MCC: variants seen among roughly 807,000 people sequenced by gnomAD.
MCC encodes MCC regulator of Wnt signaling pathway.
MCC carries 90 observed loss-of-function variants against 116.2 expected under a neutral mutation model. The ratio of observed to expected loss-of-function variants is 0.77; its 90% CI spans 0.65 to 0.92. The LOEUF is 0.92. Among genes scored for constraint, MCC ranks in the 40% least tolerant of loss-of-function variants. The pLI is 0.00. For synonymous variants in MCC, 578 were observed against 510.5 expected (o/e 1.13, Z -1.78); for missense variants, 1,516 against 1,312.2 (o/e 1.16, Z -2.40).
chr5:113,054,033 A>G, intron 14 of MCC, 74 bp from the exon 15 acceptor site: 1 of 1,039,306 alleles, frequency 9.6e-7, no homozygotes, highest in African/African-American at 1.6e-5. Context: ...TTTCCTCCTC[A>G]CTCTTCTCCA....
In MCC at chr5:113,104,197, T is replaced by A; in HGVS notation, c.1186A>T (p.Ile396Phe). 6.2e-7 allele frequency: 1 copy of A among 1,610,398 alleles called. No homozygotes were observed. The highest frequency in any genetic ancestry group is 1.1e-5 in the South Asian group (1 of 90,602). ...TTASEHCDLAIKTVEEIEGVL... is the reference protein window; with the variant it reads ...TTASEHCDLAFKTVEEIEGVL... ...AGAGGGTGAGGAAGGTCTACCTTAA[T>A]AGCCAGGTCACAGTGCTCGCTGGCT... Residue 396 changes from isoleucine to phenylalanine, a missense_variant, in exon 7 of 19, where the codon ATT becomes TTT. Ile to Phe is a conservative substitution (Grantham distance 21). Coordinates refer to ENST00000408903, the MANE Select transcript of MCC (RefSeq NM_001085377.2).
At chr5:113,364,804 G>A (rs760419731) in intron 2 of MCC, among the ~76,000 whole-genome samples, 4 of 152,220 alleles carry the variant, frequency 2.6e-5, no homozygotes, top group Non-Finnish European at 5.9e-5. Context: ...CAAGGCATAT[G>A]GCTTGCACCT....
intron 11 of MCC, among the ~76,000 whole-genome samples, chr5:113,073,781 C>A (rs771084800): frequency 1.3e-5 from 2 of 152,134 alleles, no homozygotes; most frequent in Non-Finnish European, 2.9e-5. Context: ...TCGCTCACTG[C>A]TAGCACAGCA....
At chr5:113,441,678 G>A (rs1771047126) in intron 1 of MCC, among the ~76,000 whole-genome samples, 1 of 152,136 alleles carries the variant, frequency 6.6e-6, no homozygotes, top group African/African-American at 2.4e-5. Context: ...ACAGGCCCCA[G>A]TGTATGATGT....
intron 5 of MCC, among the ~76,000 whole-genome samples, chr5:113,126,882 A>G (rs894087972): frequency 1.3e-5 from 2 of 149,902 alleles, no homozygotes; most frequent in Non-Finnish European, 3.0e-5. Context: ...GGTTTTTTAA[A>G]CTCTTATTTT....
chr5:113,229,419 G>A (rs1054303284), intron 3 of MCC, among the ~76,000 whole-genome samples: 1 of 152,206 alleles, frequency 6.6e-6, no homozygotes, highest in African/African-American at 2.4e-5. Flanking sequence ...CAAACACCTA[G>A]TACTGTGAAA....
chr5:113,268,884 G>A (rs1765511432), intron 3 of MCC, among the ~76,000 whole-genome samples: 1 of 152,062 alleles, frequency 6.6e-6, no homozygotes, highest in African/African-American at 2.4e-5. Flanking sequence ...TTTACTCAAT[G>A]GTATCCTGAC....
chr5:113,275,684 G>A (rs1765793881), intron 3 of MCC, among the ~76,000 whole-genome samples: 1 of 152,098 alleles, frequency 6.6e-6, no homozygotes, highest in Non-Finnish European at 1.5e-5. Flanking sequence ...AAACAAGACA[G>A]TATAACAACT....
At chr5:113,157,810 T>C (rs991560711) in intron 3 of MCC, among the ~76,000 whole-genome samples, 1 of 152,258 alleles carries the variant, frequency 6.6e-6, no homozygotes, top group Non-Finnish European at 1.5e-5. Context: ...TTTTTTCCTA[T>C]ACATACAAAG....
At chr5:113,127,513 G>C (rs1206249917) in intron 5 of MCC, among the ~76,000 whole-genome samples, 31 of 152,184 alleles carry the variant, frequency 2.0e-4, no homozygotes, top group Non-Finnish European at 4.3e-4. Context: ...ACCAGCATCT[G>C]TTATTTTTTG....
intron 1 of MCC, chr5:113,436,211 C>T (rs2150413660): frequency 6.5e-6 from 1 of 152,808 alleles, no homozygotes; most frequent in South Asian, 2.1e-4. Flanking sequence ...TGTTCCCCAA[C>T]TCTGACTGCC....
chr5:113,027,458 T>C lies in MCC; in HGVS notation c.2904A>G (p.Lys968=), dbSNP rs762742460. Residue 968 remains lysine (K), a synonymous_variant, in exon 19 of 19, where the codon AAA becomes AAG. Transcript: ENST00000408903. ...ANSNLVAAYE[K]AKKKHQNKLK... is the part of the protein sequence containing the mutation. ...GTTTGTTTTGATGCTTTTTCTTTGCTTTCTCATAGGCAGCCACCAGGTTGC... is the reference window on the plus strand; with the variant it reads ...GTTTGTTTTGATGCTTTTTCTTTGCCTTCTCATAGGCAGCCACCAGGTTGC... 1.2e-6 allele frequency: 2 copies of C among 1,614,196 alleles called. No homozygotes were observed. Among genetic ancestry groups the C allele is most frequent in the Non-Finnish European group, 1.7e-6 (2 of 1,180,028 alleles).
chr5:113,374,486 A>C (rs140254124), intron 2 of MCC, among the ~76,000 whole-genome samples: 2 of 152,280 alleles, frequency 1.3e-5, no homozygotes, highest in East Asian at 3.9e-4. Context: ...CTTCCACCAG[A>C]GTATGCTGAA....
At chr5:113,093,844 A>G (rs1755821175) in intron 8 of MCC, among the ~76,000 whole-genome samples, 1 of 152,194 alleles carries the variant, frequency 6.6e-6, no homozygotes, top group South Asian at 2.1e-4. Flanking sequence ...CCATAAAAGA[A>G]AGAGCCTGTT....
chr5:113,153,182 C>T (rs372511409), intron 3 of MCC, among the ~76,000 whole-genome samples: 3 of 152,188 alleles, frequency 2.0e-5, no homozygotes, highest in Non-Finnish European at 2.9e-5. Flanking sequence ...GGATAAAATA[C>T]GTGAGAGCTG....
At chr5:113,201,822 A>G (rs1762693452) in intron 3 of MCC, among the ~76,000 whole-genome samples, 1 of 152,188 alleles carries the variant, frequency 6.6e-6, no homozygotes, top group Non-Finnish European at 1.5e-5. Flanking sequence ...GATTAAAATC[A>G]AGCAAGTTTT....
At chr5:113,433,769 G>C in intron 1 of MCC, 1 of 1,613,826 alleles carries the variant, frequency 6.2e-7, no homozygotes. Context: ...GCTGTTGGGG[G>C]GGCCCTTCCT....
chr5:113,201,806 G>A (rs1762692314), intron 3 of MCC, among the ~76,000 whole-genome samples: 1 of 152,034 alleles, frequency 6.6e-6, no homozygotes, highest in Non-Finnish European at 1.5e-5. Context: ...TTCTGCTAGA[G>A]GGCTAGATTA....
At chr5:113,294,292 C>G (rs1456955601) in intron 3 of MCC, 4 of 1,613,036 alleles carry the variant, frequency 2.5e-6, no homozygotes, top group East Asian at 2.2e-5. Flanking sequence ...AGCAAACGCC[C>G]GAGAAACCCT....
Sources: allele counts gnomAD v4.1 joint callset (sites outside exome capture counted in the v4.1 genomes callset), GRCh38; gene constraint gnomAD v4.1.1; transcripts MANE v1.5; gene names NCBI Gene and HGNC (gene_info 2026-07-23, HGNC 2026-07-21).